HMBOX1: variants seen among roughly 807,000 people sequenced by gnomAD.
HMBOX1 encodes homeobox-containing protein 1.
Under a neutral mutation model 54.5 loss-of-function variants are expected in HMBOX1, and 14 were observed. The observed-to-expected ratio is 0.26, with a 90% CI of 0.17 to 0.40. HMBOX1 has a LOEUF of 0.40. HMBOX1 is among the 10% of genes least tolerant of loss of function. The probability of loss-of-function intolerance (pLI) is 1.00; values close to 1 mark genes in which losing one functional copy is unlikely to be tolerated. For missense variants in HMBOX1, 332 were observed against 514.4 expected (o/e 0.65, Z 3.43); for synonymous variants, 160 against 181.0 (o/e 0.88, Z 0.93).
At chr8:29,037,352 G>A (rs1804067662) in intron 6 of HMBOX1, among the ~76,000 whole-genome samples, 1 of 152,030 alleles carries the variant, frequency 6.6e-6, no homozygotes, top group Non-Finnish European at 1.5e-5. Context: ...TATTATTTAA[G>A]AATAATTTTA....
Position 28,972,592 on chromosome 8 carries a change from A to G in HMBOX1, c.500+2073A>G, listed in dbSNP as rs191882905. 3.2e-3 allele frequency among the ~76,000 whole-genome samples: 488 copies of G among 152,342 alleles called. 5 individuals are homozygous for G. The highest frequency in any genetic ancestry group is 0.024 in the Admixed American group (371 of 15,296). ...ATTCTAAGTAGAGAGGATATCAACA[A>G]TTTAAAAAGGATGCCAACCTGGTTT... On this transcript the variant is annotated intron_variant, in intron 3 of 9. Transcript: ENST00000287701.
At chr8:28,941,863 C>T (rs1216117854) in intron 1 of HMBOX1, among the ~76,000 whole-genome samples, 1 of 152,194 alleles carries the variant, frequency 6.6e-6, no homozygotes, top group Non-Finnish European at 1.5e-5. Context: ...TGGAGAATAA[C>T]TTTTAGTTTC....
intron 1 of HMBOX1, among the ~76,000 whole-genome samples, chr8:28,958,635 T>C (rs1209568431): frequency 6.6e-6 from 1 of 152,244 alleles, no homozygotes; most frequent in African/African-American, 2.4e-5. Context: ...CAGATTATTT[T>C]ATGCATATAA....
chr8:28,904,467 G>A (rs1447522796), intron 1 of HMBOX1, among the ~76,000 whole-genome samples: 9 of 152,108 alleles, frequency 5.9e-5, no homozygotes, highest in Non-Finnish European at 1.3e-4. Flanking sequence ...TCTTGACCTT[G>A]TGATCCGCCC....
chr8:28,967,688 T>C (rs1826668814), intron 2 of HMBOX1, among the ~76,000 whole-genome samples: 1 of 152,210 alleles, frequency 6.6e-6, no homozygotes, highest in Non-Finnish European at 1.5e-5. Flanking sequence ...CAAACAGGTC[T>C]ACTTCATTTT....
intron 1 of HMBOX1, among the ~76,000 whole-genome samples, chr8:28,893,438 C>G (rs1354043802): frequency 1.3e-5 from 2 of 152,164 alleles, no homozygotes; most frequent in Admixed American, 1.3e-4. Context: ...AGTTGAAAAT[C>G]TAAGCTGCTT....
At chr8:29,004,550 C>T (rs1833137962) in intron 4 of HMBOX1, among the ~76,000 whole-genome samples, 1 of 152,128 alleles carries the variant, frequency 6.6e-6, no homozygotes, top group Non-Finnish European at 1.5e-5. Context: ...TGCAGCTGCT[C>T]AGAAAATAAT....
In HMBOX1 at chr8:29,052,242, C is replaced by T. The variant is rs1806508011; in HGVS notation, c.*1087C>T. 6.6e-6 allele frequency: 1 copy of T among 152,354 alleles called. No individual in the cohort carries two copies. Among genetic ancestry groups the T allele is most frequent in the African/African-American group, 2.4e-5 (1 of 41,466 alleles). The allele number at this position is 152,354 out of a possible 1,614,324, so 9.4% of individuals were successfully genotyped here. On this transcript the variant is annotated 3_prime_UTR_variant, in exon 10 of 10. Transcript: ENST00000287701. ...TTGTGCTGCTTATCACAGATGCAGA[C>T]ACTTGCCCAGATAGGAGCAGAGAAA...
At chr8:28,977,120 T>C (rs986290460) in intron 3 of HMBOX1, among the ~76,000 whole-genome samples, 2 of 152,222 alleles carry the variant, frequency 1.3e-5, no homozygotes, top group Non-Finnish European at 2.9e-5. Flanking sequence ...GTGCAGTCCT[T>C]AATAATATCG....
At chr8:28,945,801 G>T (rs933723810) in intron 1 of HMBOX1, among the ~76,000 whole-genome samples, 1 of 151,338 alleles carries the variant, frequency 6.6e-6, no homozygotes, top group Non-Finnish European at 1.5e-5. Context: ...ATGGGGAAAA[G>T]GTTTTTTTTT....
At chr8:29,026,419 G>T (rs1165731370) in intron 6 of HMBOX1, among the ~76,000 whole-genome samples, 2 of 152,086 alleles carry the variant, frequency 1.3e-5, no homozygotes, top group Non-Finnish European at 2.9e-5. Flanking sequence ...TTGGGGTGAT[G>T]AAGATTTGTA....
intron 1 of HMBOX1, among the ~76,000 whole-genome samples, chr8:28,940,896 G>A (rs757357408): frequency 3.9e-5 from 6 of 152,206 alleles, no homozygotes; most frequent in Non-Finnish European, 8.8e-5. Context: ...AGGCACTGTA[G>A]TGGATACAAA....
intron 1 of HMBOX1, among the ~76,000 whole-genome samples, chr8:28,934,593 T>C (rs2131941839): frequency 6.6e-6 from 1 of 152,312 alleles, no homozygotes; most frequent in East Asian, 1.9e-4. Context: ...CTTAGAATTA[T>C]TAAGTTAGTT....
At chr8:28,944,886 C>A (rs1822134340) in intron 1 of HMBOX1, among the ~76,000 whole-genome samples, 1 of 152,092 alleles carries the variant, frequency 6.6e-6, no homozygotes, top group Admixed American at 6.5e-5. Flanking sequence ...AAACTTGGGA[C>A]AATGAGTCCC....
At chr8:29,016,071 G>T (rs1834947734) in intron 5 of HMBOX1, among the ~76,000 whole-genome samples, 1 of 152,112 alleles carries the variant, frequency 6.6e-6, no homozygotes, top group African/African-American at 2.4e-5. Flanking sequence ...ACATATTAAA[G>T]GCTGAAACAC....
At chr8:28,952,322 C>T (rs958935894) in intron 1 of HMBOX1, among the ~76,000 whole-genome samples, 1 of 152,088 alleles carries the variant, frequency 6.6e-6, no homozygotes, top group Non-Finnish European at 1.5e-5. Context: ...CAGCCACCAC[C>T]TCCTGGGTTC....
At chr8:28,999,778 C>T (rs1832369263) in intron 4 of HMBOX1, among the ~76,000 whole-genome samples, 1 of 152,042 alleles carries the variant, frequency 6.6e-6, no homozygotes, top group Non-Finnish European at 1.5e-5. Flanking sequence ...TTTGGTAAGG[C>T]ATTTTTCTCA....
chr8:29,006,075 C>G (rs556703245), intron 4 of HMBOX1, among the ~76,000 whole-genome samples: 36 of 151,248 alleles, frequency 2.4e-4, no homozygotes, highest in African/African-American at 8.8e-4. Context: ...TCACTACAAC[C>G]TCTGCCTCCT....
intron 1 of HMBOX1, among the ~76,000 whole-genome samples, chr8:28,894,278 A>G (rs529374347): frequency 9.8e-5 from 15 of 152,294 alleles, no homozygotes; most frequent in Non-Finnish European, 2.1e-4. Flanking sequence ...ATACACTCAT[A>G]CATAAAATAC....
Sources: allele counts gnomAD v4.1 joint callset (sites outside exome capture counted in the v4.1 genomes callset), GRCh38; gene constraint gnomAD v4.1.1; transcripts MANE v1.5; gene names NCBI Gene and HGNC (gene_info 2026-07-23, HGNC 2026-07-21).